The following TMEM132C variants were observed in gnomAD, a reference collection of about 807,000 sequenced individuals.
TMEM132C encodes protein phosphatase 1, regulatory subunit 152.
TMEM132C carries 29 observed loss-of-function variants against 61.4 expected under a neutral mutation model. The observed-to-expected ratio is 0.47, with a 90% CI of 0.35 to 0.64. The LOEUF (loss-of-function observed/expected upper bound fraction) is 0.64, where lower values mean the gene tolerates loss of function less well. Among genes scored for constraint, TMEM132C ranks in the 30% least tolerant of loss-of-function variants. The probability of loss-of-function intolerance (pLI) is 0.00; values close to 1 mark genes in which losing one functional copy is unlikely to be tolerated. For synonymous variants in TMEM132C, 656 were observed against 633.1 expected (o/e 1.04, Z -0.54); for missense variants, 1,408 against 1,476.9 (o/e 0.95, Z 0.76).
chr12:128,303,751 A>C (rs542147855), intron 1 of TMEM132C, among the ~76,000 whole-genome samples: 1 of 151,852 alleles, frequency 6.6e-6, no homozygotes, highest in Admixed American at 6.5e-5. Context: ...TTATTTTTCT[A>C]CCTCTTGCAT....
intron 1 of TMEM132C, among the ~76,000 whole-genome samples, chr12:128,303,625 C>T (rs1872541): frequency 0.54 from 81,370 of 152,078 alleles, 22,489 homozygotes; most frequent in Middle Eastern, 0.65. Flanking sequence ...GAAGTTTGCA[C>T]GTGGAACTGC....
At chr12:128,317,464 C>T (rs995416475) in intron 1 of TMEM132C, among the ~76,000 whole-genome samples, 1 of 152,152 alleles carries the variant, frequency 6.6e-6, no homozygotes, top group East Asian at 1.9e-4. Context: ...GAAACAAACC[C>T]GCCCACAAAC....
intron 2 of TMEM132C, among the ~76,000 whole-genome samples, chr12:128,461,259 A>G (rs1442266748): frequency 6.6e-6 from 1 of 152,180 alleles, no homozygotes; most frequent in Non-Finnish European, 1.5e-5. Context: ...GAGTCCAGAC[A>G]AGGGACATAG....
At chr12:128,544,911 C>T (rs931462108) in intron 3 of TMEM132C, among the ~76,000 whole-genome samples, 2 of 152,182 alleles carry the variant, frequency 1.3e-5, no homozygotes, top group Admixed American at 6.5e-5. Context: ...TTTAACGTAA[C>T]AGAAACAACC....
chr12:128,340,924 CTCTCTCTCTCTCTCTCTCTCTT>C (rs1565906209), intron 1 of TMEM132C, among the ~76,000 whole-genome samples: 6 of 138,034 alleles, frequency 4.3e-5, no homozygotes, highest in African/African-American at 1.2e-4. Context: ...CTTTCTCTCT[CTCTCTCTCTCTCTCTCTCTCTT>C]TCTTTCTTTC....
intron 4 of TMEM132C, among the ~76,000 whole-genome samples, chr12:128,632,354 T>A (rs541259956): frequency 3.4e-4 from 52 of 152,332 alleles, no homozygotes; most frequent in African/African-American, 1.2e-3. Flanking sequence ...TATTAATTAG[T>A]AGCAGTAGTA....
chr12:128,414,242 G>A (rs1027759190), intron 1 of TMEM132C, among the ~76,000 whole-genome samples: 24 of 151,728 alleles, frequency 1.6e-4, no homozygotes, highest in African/African-American at 5.8e-4. Context: ...ATATTATAAA[G>A]AAGAAAAAAA....
intron 2 of TMEM132C, among the ~76,000 whole-genome samples, chr12:128,499,722 A>G (rs1872092579): frequency 2.0e-5 from 3 of 152,166 alleles, no homozygotes; most frequent in Non-Finnish European, 4.4e-5. Context: ...ACAGGATTCC[A>G]TTCTATTTAT....
At chr12:128,407,728 C>T (rs1171870409) in intron 1 of TMEM132C, among the ~76,000 whole-genome samples, 3 of 152,154 alleles carry the variant, frequency 2.0e-5, no homozygotes, top group Non-Finnish European at 2.9e-5. Context: ...AGAAGAGGCA[C>T]GCTGTCACTT....
At chr12:128,535,231 G>A (rs1873478180) in intron 2 of TMEM132C, among the ~76,000 whole-genome samples, 1 of 152,182 alleles carries the variant, frequency 6.6e-6, no homozygotes. Flanking sequence ...GTGCAAAATA[G>A]ACAAATGGGA....
intron 3 of TMEM132C, among the ~76,000 whole-genome samples, chr12:128,558,981 C>T (rs557165840): frequency 3.3e-5 from 5 of 152,156 alleles, no homozygotes; most frequent in Non-Finnish European, 7.4e-5. Context: ...AAAAAGTATA[C>T]AGACTTATAT....
At chr12:128,647,681 C>CACATCCA in intron 4 of TMEM132C, among the ~76,000 whole-genome samples, 1 of 150,016 alleles carries the variant, frequency 6.7e-6, no homozygotes, top group Non-Finnish European at 1.5e-5. Flanking sequence ...AGTCCATCAG[C>CACATCCA]GTTGGATGTG....
chr12:128,339,938 G>T (rs1367424382), intron 1 of TMEM132C, among the ~76,000 whole-genome samples: 1 of 152,134 alleles, frequency 6.6e-6, no homozygotes, highest in Non-Finnish European at 1.5e-5. Context: ...CCACCTTTCT[G>T]TGTTTCTCTA....
chr12:128,426,170 C>G (rs1444763793), intron 2 of TMEM132C, among the ~76,000 whole-genome samples: 1 of 152,252 alleles, frequency 6.6e-6, no homozygotes, highest in Admixed American at 6.5e-5. Context: ...ATAAACTCCT[C>G]TCCGCCGGAG....
chr12:128,480,893 G>A (rs990697733), intron 2 of TMEM132C, among the ~76,000 whole-genome samples: 2 of 152,192 alleles, frequency 1.3e-5, no homozygotes, highest in Non-Finnish European at 2.9e-5. Flanking sequence ...TGCTTGGAAA[G>A]GGCTTGTGAA....
At chr12:128,666,276 AAC>A (rs1206730590) in intron 4 of TMEM132C, among the ~76,000 whole-genome samples, 1 of 124,276 alleles carries the variant, frequency 8.0e-6, no homozygotes, top group Non-Finnish European at 1.7e-5. Flanking sequence ...CTCATACACA[AAC>A]ACAGGCACAC....
intron 1 of TMEM132C, among the ~76,000 whole-genome samples, chr12:128,380,789 T>C (rs1281864877): frequency 6.6e-6 from 1 of 152,208 alleles, no homozygotes; most frequent in Non-Finnish European, 1.5e-5. Context: ...GCTAGGTCCC[T>C]ACAAGCCTCT....
chr12:128,340,929 TC>T (rs1361606010), intron 1 of TMEM132C, among the ~76,000 whole-genome samples: 19 of 147,422 alleles, frequency 1.3e-4, no homozygotes, highest in African/African-American at 5.0e-4. Context: ...TCTCTCTCTC[TC>T]TCTCTCTCTC....
At chr12:128,339,644 C>T (rs1444617830) in intron 1 of TMEM132C, among the ~76,000 whole-genome samples, 1 of 151,180 alleles carries the variant, frequency 6.6e-6, no homozygotes, top group East Asian at 1.9e-4. Context: ...CCTGGAAGGT[C>T]CCCATCACTC....
Sources: allele counts gnomAD v4.1 joint callset (sites outside exome capture counted in the v4.1 genomes callset), GRCh38; gene constraint gnomAD v4.1.1; transcripts MANE v1.5; gene names NCBI Gene and HGNC (gene_info 2026-07-23, HGNC 2026-07-21).